The following SRD5A2 variants were observed in gnomAD, a reference collection of about 807,000 sequenced individuals.
SRD5A2 encodes the protein 3-oxo-5-alpha-steroid 4-dehydrogenase 2.
A neutral mutation model predicts 27.4 loss-of-function variants in SRD5A2; 30 were observed. The observed-to-expected ratio is 1.10, with a 90% CI of 0.82 to 1.49. The LOEUF is 1.49. Ranked by LOEUF, SRD5A2 falls within the 40% of genes most tolerant of loss-of-function variation. The pLI, the probability that SRD5A2 is intolerant of heterozygous loss-of-function variation, is 0.00. For synonymous variants in SRD5A2, 141 were observed against 133.6 expected (o/e 1.06, Z -0.38); for missense variants, 348 against 323.4 (o/e 1.08, Z -0.58).
intron 1 of SRD5A2, among the ~76,000 whole-genome samples, chr2:31,573,758 T>C (rs961891320): frequency 6.6e-6 from 1 of 152,172 alleles, no homozygotes; most frequent in Non-Finnish European, 1.5e-5. Flanking sequence ...TTCTGCTGTC[T>C]TTTCAGAACA....
At position 31,569,012 on chromosome 2, in the gene SRD5A2, C is replaced by T. The variant is rs564495574; in HGVS notation, c.281+11608G>A. On this transcript the variant is annotated intron_variant, in intron 1 of 4. Coordinates refer to ENST00000622030, the MANE Select transcript of SRD5A2 (RefSeq NM_000348.4). The stretch of plus-strand genomic sequence containing the variant: ...ACTTCCAAGCCTTCAGGGGCAGGGG[C>T]GCTTCCCAGGCCCCTGAGAGCACAG... Among the ~76,000 whole-genome samples the T allele has an allele frequency of 6.6e-5, 10 of 152,286 alleles. No individual in the cohort carries two copies. The South Asian group carries it at 1.9e-3, about 28-fold the overall frequency.
chr2:31,577,400 G>C (rs1480329802), intron 1 of SRD5A2, among the ~76,000 whole-genome samples: 1 of 152,082 alleles, frequency 6.6e-6, no homozygotes, highest in Non-Finnish European at 1.5e-5. Context: ...TACGGTTGTT[G>C]TAAGTAGAGT....
At chr2:31,623,907 A>C in the SRD5A2 span, among the ~76,000 whole-genome samples, 5 of 152,084 alleles carry the variant, frequency 3.3e-5, no homozygotes, top group African/African-American at 9.7e-5. Flanking sequence ...AATAACATTG[A>C]TTAATTTGCA....
intron 2 of SRD5A2, among the ~76,000 whole-genome samples, chr2:31,532,179 C>T (rs1665921652): frequency 6.6e-6 from 1 of 152,158 alleles, no homozygotes. Flanking sequence ...TAAGCAACCA[C>T]AGGAATGCAG....
At chr2:31,640,164 G>C in the SRD5A2 span, among the ~76,000 whole-genome samples, 1 of 150,108 alleles carries the variant, frequency 6.7e-6, no homozygotes, top group Admixed American at 6.6e-5. Flanking sequence ...TTCAGCATAT[G>C]CATTTCTCAG....
the SRD5A2 span, among the ~76,000 whole-genome samples, chr2:31,622,874 A>G: frequency 6.6e-6 from 1 of 152,144 alleles, no homozygotes; most frequent in Non-Finnish European, 1.5e-5. Context: ...GATTCCTTGT[A>G]GCATAGAATA....
the SRD5A2 span, among the ~76,000 whole-genome samples, chr2:31,655,273 T>TGTATTTTTA: frequency 3.9e-5 from 6 of 152,186 alleles, no homozygotes; most frequent in African/African-American, 1.4e-4. Flanking sequence ...GACTAATTTT[T>TGTATTTTTA]GTATTTTTAG....
chr2:31,599,346 C>A, the SRD5A2 span, among the ~76,000 whole-genome samples: 1 of 152,118 alleles, frequency 6.6e-6, no homozygotes, highest in African/African-American at 2.4e-5. Context: ...TATCCAATGG[C>A]TACAGAATAT....
the SRD5A2 span, among the ~76,000 whole-genome samples, chr2:31,608,013 T>C: frequency 6.6e-6 from 1 of 152,002 alleles, no homozygotes; most frequent in Admixed American, 6.6e-5. Flanking sequence ...CACCAGACAC[T>C]GACCCTGTTG....
chr2:31,580,844 G>C lies in SRD5A2; in HGVS notation c.57C>G (p.Ala19=). The change falls in exon 1 of 5, where the codon GCC becomes GCG. Residue 19 remains alanine (A), a synonymous_variant. Coordinates refer to ENST00000622030, the MANE Select transcript of SRD5A2 (RefSeq NM_000348.4). ...CGACGTACAAGGCCAGTGCCCCAAGGGCGACCAAAGTGGCGCTGCCTGCCA... is the reference window on the plus strand; with the variant it reads ...CGACGTACAAGGCCAGTGCCCCAAGCGCGACCAAAGTGGCGCTGCCTGCCA... ...PVLAGSATLV[A]LGALALYVAK... 2.5e-6 allele frequency: 4 copies of C among 1,611,942 alleles called. No homozygotes were observed. The highest frequency in any genetic ancestry group is 3.4e-6 in the Non-Finnish European group (4 of 1,179,394).
At chr2:31,597,912 A>T in the SRD5A2 span, among the ~76,000 whole-genome samples, 1 of 152,132 alleles carries the variant, frequency 6.6e-6, no homozygotes, top group Admixed American at 6.6e-5. Context: ...TAAAGAACTA[A>T]AAGTAGAACT....
At chr2:31,537,541 GTTC>G (rs1666051005) in intron 1 of SRD5A2, among the ~76,000 whole-genome samples, 1 of 151,962 alleles carries the variant, frequency 6.6e-6, no homozygotes, top group Non-Finnish European at 1.5e-5. Context: ...CACTCTCTTG[GTTC>G]TTCTGCTTCA....
the SRD5A2 span, among the ~76,000 whole-genome samples, chr2:31,629,872 T>C: frequency 6.6e-6 from 1 of 152,166 alleles, no homozygotes; most frequent in African/African-American, 2.4e-5. Context: ...TAGGTACCAA[T>C]GGTTCAGACT....
chr2:31,536,143 G>C (rs1323064941), intron 1 of SRD5A2, among the ~76,000 whole-genome samples: 1 of 152,226 alleles, frequency 6.6e-6, no homozygotes, highest in East Asian at 1.9e-4. Context: ...AGCTTTGGGA[G>C]CCTGAAGGTG....
chr2:31,572,179 G>A (rs1190330571), intron 1 of SRD5A2, among the ~76,000 whole-genome samples: 1 of 152,156 alleles, frequency 6.6e-6, no homozygotes, highest in African/African-American at 2.4e-5. Flanking sequence ...GTCCTTTGCA[G>A]GCCATTATCC....
At chr2:31,548,122 G>GA (rs1433477181) in intron 1 of SRD5A2, among the ~76,000 whole-genome samples, 3 of 151,724 alleles carry the variant, frequency 2.0e-5, no homozygotes, top group Non-Finnish European at 4.4e-5. Context: ...CTAAATATAA[G>GA]AAAAAAACTA....
At chr2:31,561,622 T>C (rs1666626525) in intron 1 of SRD5A2, among the ~76,000 whole-genome samples, 2 of 152,174 alleles carry the variant, frequency 1.3e-5, no homozygotes, top group South Asian at 2.1e-4. Flanking sequence ...ACCTTGGAAC[T>C]GTCCACTCAG....
At chr2:31,655,482 G>C in the SRD5A2 span, among the ~76,000 whole-genome samples, 1 of 152,202 alleles carries the variant, frequency 6.6e-6, no homozygotes, top group Non-Finnish European at 1.5e-5. Context: ...TGTGGGGCCT[G>C]AGCAAGCACA....
intron 1 of SRD5A2, among the ~76,000 whole-genome samples, chr2:31,562,813 C>G (rs1032125387): frequency 6.6e-6 from 1 of 152,054 alleles, no homozygotes; most frequent in Non-Finnish European, 1.5e-5. Context: ...ACATGTACCC[C>G]CTGAATTAAA....
Sources: gnomAD v4.1 joint callset for allele counts (sites outside exome capture counted in the v4.1 genomes callset) on GRCh38, gnomAD v4.1.1 for gene constraint, MANE v1.5 for transcripts, NCBI Gene and HGNC (gene_info 2026-07-23, HGNC 2026-07-21) for gene names.